Variants in SGCZ observed in about 807,000 individuals in gnomAD.
SGCZ encodes the protein sarcoglycan zeta, also known as zeta-sarcoglycan.
In SGCZ, 40 loss-of-function variants were observed where a neutral mutation model predicts 41.3. The observed-to-expected ratio is 0.97, with a 90% CI of 0.75 to 1.26. The LOEUF (loss-of-function observed/expected upper bound fraction) is 1.26, where lower values mean the gene tolerates loss of function less well. Among genes scored for constraint, SGCZ ranks in the 50% most tolerant of loss-of-function variants. SGCZ has a pLI of 0.00. For synonymous variants in SGCZ, 206 were observed against 137.5 expected (o/e 1.50, Z -3.49); for missense variants, 552 against 369.8 (o/e 1.49, Z -4.04).
chr8:14,279,975 T>A (rs1176626435), intron 3 of SGCZ, among the ~76,000 whole-genome samples: 2 of 151,894 alleles, frequency 1.3e-5, no homozygotes, highest in East Asian at 3.9e-4. Flanking sequence ...TTACTCAGCT[T>A]AGGGGCTTTG....
chr8:14,271,223 A>G (rs182419899), intron 3 of SGCZ, among the ~76,000 whole-genome samples: 38 of 152,332 alleles, frequency 2.5e-4, no homozygotes, highest in African/African-American at 7.7e-4. Flanking sequence ...AATGATGTAT[A>G]GGAGTTGACT....
At chr8:14,624,576 T>TTTA (rs1806391965) in intron 1 of SGCZ, among the ~76,000 whole-genome samples, 1 of 134,286 alleles carries the variant, frequency 7.4e-6, no homozygotes, top group South Asian at 2.5e-4. Flanking sequence ...TTTTTTTTTT[T>TTTA]TTTTTTTTTT....
At chr8:14,653,429 G>C (rs1193435735) in intron 1 of SGCZ, among the ~76,000 whole-genome samples, 1 of 152,034 alleles carries the variant, frequency 6.6e-6, no homozygotes, top group Non-Finnish European at 1.5e-5. Flanking sequence ...CATATATTTT[G>C]TAGTTTATTT....
chr8:14,363,609 A>C (rs1202447906), intron 2 of SGCZ, among the ~76,000 whole-genome samples: 1 of 152,088 alleles, frequency 6.6e-6, no homozygotes, highest in Non-Finnish European at 1.5e-5. Context: ...CTTTGACCCA[A>C]CTTCATTATA....
intron 3 of SGCZ, among the ~76,000 whole-genome samples, chr8:14,255,618 T>A (rs1799435802): frequency 6.6e-6 from 1 of 152,054 alleles, no homozygotes; most frequent in Admixed American, 6.6e-5. Context: ...AAAAATATAA[T>A]AAAAACATAA....
intron 1 of SGCZ, among the ~76,000 whole-genome samples, chr8:14,629,307 G>C (rs944386813): frequency 1.3e-5 from 2 of 151,146 alleles, no homozygotes. Flanking sequence ...AGTTATAGGT[G>C]ATCTTTTTAA....
At position 15,165,508 on chromosome 8, in the gene SGCZ, G is replaced by C. The variant is rs138045598; in HGVS notation, c.39+72077C>G. ...TATTTGACATGCTGGCTTTAGATTT[G>C]ATATGGCCTGGGGACATATGGAACT... On this transcript the variant is annotated intron_variant, in intron 1 of 7. Transcript: ENST00000382080. Among the ~76,000 whole-genome samples, 178 of 152,260 alleles carry C rather than the reference G, an allele frequency of 1.2e-3. 3 individuals are homozygous for C. The East Asian group carries it at 0.028, about 24-fold the overall frequency.
chr8:15,194,678 T>C (rs1234625254), intron 1 of SGCZ, among the ~76,000 whole-genome samples: 1 of 152,120 alleles, frequency 6.6e-6, no homozygotes, highest in Non-Finnish European at 1.5e-5. Flanking sequence ...ATCTGAAGGT[T>C]CTACACTGTG....
chr8:14,311,108 G>T (rs1354508730), intron 3 of SGCZ, among the ~76,000 whole-genome samples: 1 of 151,970 alleles, frequency 6.6e-6, no homozygotes, highest in Non-Finnish European at 1.5e-5. Context: ...AAGTGATTTT[G>T]AATTCCAATC....
intron 2 of SGCZ, among the ~76,000 whole-genome samples, chr8:14,543,381 C>A (rs1171369882): frequency 6.6e-6 from 1 of 151,948 alleles, no homozygotes; most frequent in Non-Finnish European, 1.5e-5. Flanking sequence ...TCCTGTAACT[C>A]TGCTGAGTTC....
At position 14,616,703 on chromosome 8, in the gene SGCZ, A is replaced by C. The variant is rs76470618; in HGVS notation, c.40-61777T>G. 6.3e-4 allele frequency among the ~76,000 whole-genome samples: 96 copies of C among 152,242 alleles called. 1 individual carries two copies. In the East Asian group the frequency reaches 0.017, roughly 28 times the overall value. ...TAGTCAACTGATTGTTTTTCAGGAC[A>C]CGTTTAATTTAGACTAGATATAACC... is the stretch of plus-strand genomic sequence containing the variant. On this transcript the variant is annotated intron_variant, in intron 1 of 7. Transcript: ENST00000382080.
chr8:15,010,783 C>A (rs1449942306), intron 1 of SGCZ, among the ~76,000 whole-genome samples: 3 of 152,140 alleles, frequency 2.0e-5, no homozygotes, highest in African/African-American at 7.2e-5. Flanking sequence ...CGCCAGATAC[C>A]TTCTGGATCT....
At chr8:14,821,639 A>G (rs1802089359) in intron 1 of SGCZ, among the ~76,000 whole-genome samples, 1 of 152,154 alleles carries the variant, frequency 6.6e-6, no homozygotes, top group African/African-American at 2.4e-5. Flanking sequence ...ACCTGATTCT[A>G]TGATGCAAGA....
At chr8:15,056,296 CT>C (rs1277157282) in intron 1 of SGCZ, among the ~76,000 whole-genome samples, 2 of 152,140 alleles carry the variant, frequency 1.3e-5, no homozygotes, top group Non-Finnish European at 2.9e-5. Flanking sequence ...ATAATATGAA[CT>C]GATCTGAGAG....
intron 3 of SGCZ, among the ~76,000 whole-genome samples, chr8:14,302,871 T>C (rs760181904): frequency 1.3e-5 from 2 of 152,206 alleles, no homozygotes; most frequent in Non-Finnish European, 2.9e-5. Flanking sequence ...AAGAGGGCTC[T>C]CTATTTCTCA....
chr8:14,927,102 C>CTTTTTT (rs71209091), intron 1 of SGCZ, among the ~76,000 whole-genome samples: 63 of 82,682 alleles, frequency 7.6e-4, no homozygotes, highest in Admixed American at 1.0e-3. Flanking sequence ...GTTCCTGATT[C>CTTTTTT]TTTTTTTTTT....
intron 1 of SGCZ, among the ~76,000 whole-genome samples, chr8:14,821,582 C>T (rs1231906381): frequency 6.6e-6 from 1 of 151,970 alleles, no homozygotes; most frequent in African/African-American, 2.4e-5. Flanking sequence ...TATTAGCCTA[C>T]CAAATCCAAT....
chr8:15,187,292 AATT>A (rs1315699366), intron 1 of SGCZ, among the ~76,000 whole-genome samples: 1 of 152,134 alleles, frequency 6.6e-6, no homozygotes, highest in Non-Finnish European at 1.5e-5. Flanking sequence ...ATGGTTATAT[AATT>A]CAAACGAAGA....
At chr8:15,056,141 T>C (rs1804693167) in intron 1 of SGCZ, among the ~76,000 whole-genome samples, 1 of 152,170 alleles carries the variant, frequency 6.6e-6, no homozygotes, top group Admixed American at 6.5e-5. Context: ...TCCCAGCCCC[T>C]TACTCCCAGG....
Sources: allele counts gnomAD v4.1 joint callset (sites outside exome capture counted in the v4.1 genomes callset), GRCh38; gene constraint gnomAD v4.1.1; transcripts MANE v1.5; gene names NCBI Gene and HGNC (gene_info 2026-07-23, HGNC 2026-07-21).